ATP10A: variants seen among roughly 807,000 people sequenced by gnomAD.
ATP10A encodes the protein ATPase phospholipid transporting 10A (putative), also known as phospholipid-transporting ATPase VA.
Under a neutral mutation model 147.8 loss-of-function variants are expected in ATP10A, and 111 were observed. The observed-to-expected ratio is 0.75, with a 90% CI of 0.64 to 0.88. ATP10A has a LOEUF of 0.88. ATP10A is among the 40% of genes least tolerant of loss of function. The pLI is 0.00. For synonymous variants in ATP10A, 875 were observed against 841.6 expected, an observed-to-expected ratio of 1.04 and a Z score of -0.69; for missense variants, 1,927 against 1,959.0, an observed-to-expected ratio of 0.98 and a Z score of 0.31.
At chr15:25,701,883 G>A (rs1417430191) in intron 13 of ATP10A, 33 bp downstream of exon 13, 3 of 1,555,042 alleles carry the variant, frequency 1.9e-6, no homozygotes, top group South Asian at 1.2e-5. Context: ...CCACCCCAGG[G>A]GAAGGAAGCG....
At position 25,686,829 on chromosome 15, in the gene ATP10A, A is replaced by C. The variant is rs1311637680; in HGVS notation, c.3291+874T>G. ...TGTGGTCCATCCTGCAGGGCTATGG[A>C]GGAGCCCATCTGCCAAAGAAGCAGT... On this transcript the variant is annotated intron_variant, in intron 16 of 20. Transcript: ENST00000555815. 1.9e-5 allele frequency among the ~76,000 whole-genome samples: 2 copies of C among 107,958 alleles called. 1 individual carries two copies. The highest frequency in any genetic ancestry group is 3.3e-5 in the Non-Finnish European group (2 of 59,876). 70.8% of individuals were successfully genotyped at this position (107,958 alleles called of 152,430 possible).
At chr15:25,747,549 G>A (rs1887913852) in intron 2 of ATP10A, among the ~76,000 whole-genome samples, 1 of 151,804 alleles carries the variant, frequency 6.6e-6, no homozygotes, top group Admixed American at 6.6e-5. Flanking sequence ...AAATAAAAAA[G>A]GGAACATCAG....
downstream of ATP10A, chr15:25,677,412 C>T (rs1049237326): frequency 1.1e-4 from 16 of 152,228 alleles, no homozygotes; most frequent in Admixed American, 9.8e-4. Flanking sequence ...CAAGGTCATT[C>T]CGTTTCCCAA....
chr15:25,691,082 T>G (rs990716027), intron 15 of ATP10A, among the ~76,000 whole-genome samples: 4 of 152,198 alleles, frequency 2.6e-5, no homozygotes, highest in African/African-American at 9.6e-5. Context: ...AACATCCTGG[T>G]TTTTAGAACT....
chr15:25,756,259 GTGTC>G (rs1405486950), intron 2 of ATP10A, among the ~76,000 whole-genome samples: 2 of 152,128 alleles, frequency 1.3e-5, no homozygotes, highest in Non-Finnish European at 2.9e-5. Flanking sequence ...TCCTATTTGT[GTGTC>G]TGTTTGTCTA....
chr15:25,713,996 C>T lies in ATP10A; in HGVS notation c.2022G>A (p.Ala674=), dbSNP rs1052356191. The part of the protein sequence containing the change: ...AIASNGYSSQ[A]DNWASELAQE... Reference sequence around the variant, plus strand: ...GAGCAAGCTCCGAGGCCCAGTTGTCCGCCTGGCTGCTGTAGCCGTTGCTGG... The same window carrying T: ...GAGCAAGCTCCGAGGCCCAGTTGTCTGCCTGGCTGCTGTAGCCGTTGCTGG... The change falls in exon 10 of 21, where the codon GCG becomes GCA. Residue 674 remains alanine, a synonymous_variant. Transcript: ENST00000555815. The T allele has an allele frequency of 4.3e-5, 69 of 1,609,696 alleles. No individual in the cohort carries two copies. The highest frequency in any genetic ancestry group is 5.2e-5 in the Non-Finnish European group (61 of 1,179,932).
At chr15:25,795,795 G>A (rs1329047099) in intron 1 of ATP10A, among the ~76,000 whole-genome samples, 2 of 152,194 alleles carry the variant, frequency 1.3e-5, no homozygotes, top group African/African-American at 4.8e-5. Context: ...CGTTAGAGGT[G>A]GGGCCTCATG....
chr15:25,861,136 C>T (rs947363347), intron 1 of ATP10A, among the ~76,000 whole-genome samples: 11 of 144,802 alleles, frequency 7.6e-5, no homozygotes, highest in African/African-American at 2.7e-4. Context: ...AAGAGCAAGG[C>T]TTGGGAGCAG....
intron 1 of ATP10A, among the ~76,000 whole-genome samples, chr15:25,853,463 G>C (rs1305083852): frequency 6.6e-6 from 1 of 152,204 alleles, no homozygotes; most frequent in African/African-American, 2.4e-5. Context: ...GTGAAGGCCT[G>C]ACTGGCCTTT....
chr15:25,811,548 G>A (rs930058644), intron 1 of ATP10A, among the ~76,000 whole-genome samples: 1 of 152,134 alleles, frequency 6.6e-6, no homozygotes. Flanking sequence ...CCCATCCAAC[G>A]CAGCTCTTGT....
At chr15:25,712,529 AAG>A (rs1491081916) in intron 10 of ATP10A, among the ~76,000 whole-genome samples, 1 of 151,744 alleles carries the variant, frequency 6.6e-6, no homozygotes, top group African/African-American at 2.4e-5. Flanking sequence ...GCTGTGGAAT[AAG>A]AGAGATTTTT....
intron 2 of ATP10A, among the ~76,000 whole-genome samples, chr15:25,766,982 C>T (rs187964992): frequency 6.6e-6 from 1 of 151,066 alleles, no homozygotes; most frequent in East Asian, 2.0e-4. Context: ...TATACACATA[C>T]ACACACTTTG....
Position 25,694,964 on chromosome 15 carries a change from G to A in ATP10A, c.2943C>T (p.Tyr981=), listed in dbSNP as rs773630167. The change falls in exon 14 of 21, where the codon TAC becomes TAT. Residue 981 remains tyrosine (Y), a synonymous_variant. Transcript: ENST00000555815. ...SLVIDGRSLA[Y]ALEKNLEDKF... ...TGTCCTCCAGGTTTTTCTCGAGAGC[G>A]TAGGCCAGGCTTCTCCCATCGATCA... is the stretch of plus-strand genomic sequence containing the variant. 21 of 1,614,192 alleles carry A rather than the reference G, an allele frequency of 1.3e-5. No homozygotes were observed. The highest frequency in any genetic ancestry group is 8.9e-5 in the East Asian group (4 of 44,872).
chr15:25,723,891 C>G lies in ATP10A; in HGVS notation c.1110G>C (p.Gln370His), dbSNP rs757412992. ...ATTGTACGATACTTAGTATTGTTAC[C>G]TGCAGAACTATTATCATTGTTAAAA... ...YSFLTMIIVL[Q>H]VLIPISLYVS... The change falls in exon 6 of 21, where the codon CAG becomes CAC. Residue 370 changes from glutamine to histidine, a missense_variant and splice_region_variant. Transcript: ENST00000555815. 1 of 1,594,964 alleles carries G rather than the reference C, an allele frequency of 6.3e-7. No homozygotes were observed. The highest frequency in any genetic ancestry group is 2.2e-5 in the East Asian group (1 of 44,466).
chr15:25,718,770 A>G (rs8025007), intron 7 of ATP10A, among the ~76,000 whole-genome samples: 24,334 of 152,054 alleles, frequency 0.16, 2,339 homozygotes, highest in African/African-American at 0.26. Context: ...AGAGGGTGGC[A>G]GGCCTTCCAG....
chr15:25,715,494 A>G (rs1024609262), intron 9 of ATP10A, among the ~76,000 whole-genome samples: 5 of 152,230 alleles, frequency 3.3e-5, no homozygotes, highest in African/African-American at 1.2e-4. Flanking sequence ...TTCATTTAAC[A>G]TCTGTCAGTC....
intron 1 of ATP10A, among the ~76,000 whole-genome samples, chr15:25,858,565 G>A (rs1251894649): frequency 6.6e-6 from 1 of 152,170 alleles, no homozygotes; most frequent in Non-Finnish European, 1.5e-5. Context: ...AACAAAGCAT[G>A]AAGGGCAGGG....
At chr15:25,781,305 T>C (rs549526177) in intron 1 of ATP10A, 82 bp from the exon 2 acceptor site, 58 of 1,178,288 alleles carry the variant, frequency 4.9e-5, no homozygotes, top group South Asian at 2.4e-4. Flanking sequence ...GGGGCTCATA[T>C]GGCAATTCTT....
chr15:25,844,148 C>T (rs1892922181), intron 1 of ATP10A, among the ~76,000 whole-genome samples: 1 of 152,210 alleles, frequency 6.6e-6, no homozygotes, highest in Non-Finnish European at 1.5e-5. Flanking sequence ...CTCTGTCATA[C>T]ACTTTGCTCG....
Sources: allele counts gnomAD v4.1 joint callset (sites outside exome capture counted in the v4.1 genomes callset), GRCh38; gene constraint gnomAD v4.1.1; transcripts MANE v1.5; gene names NCBI Gene and HGNC (gene_info 2026-07-23, HGNC 2026-07-21).